Variants in EIF2S1 observed in about 807,000 individuals in gnomAD.
EIF2S1 encodes eukaryotic translation initiation factor 2 subunit 1.
Under a neutral mutation model 33.5 loss-of-function variants are expected in EIF2S1, and 5 were observed. That is an observed-to-expected ratio of 0.15 (90% confidence interval 0.08 to 0.31). The LOEUF (loss-of-function observed/expected upper bound fraction) is 0.31, where lower values mean the gene tolerates loss of function less well. Among genes scored for constraint, EIF2S1 ranks in the 10% least tolerant of loss-of-function variants. The pLI, the probability that EIF2S1 is intolerant of heterozygous loss-of-function variation, is 1.00. For synonymous variants in EIF2S1, 99 were observed against 127.5 expected (o/e 0.78, Z 1.51); for missense variants, 191 against 384.6 (o/e 0.50, Z 4.21).
intron 2 of EIF2S1, among the ~76,000 whole-genome samples, chr14:67,367,164 T>A (rs912288107): frequency 6.6e-6 from 1 of 152,200 alleles, no homozygotes; most frequent in African/African-American, 2.4e-5. Context: ...TTCAGTTGCT[T>A]ACCATCTGGG....
Position 67,361,231 on chromosome 14 carries a change from T to C in EIF2S1, c.-2+775T>C, listed in dbSNP as rs372010921. Among the ~76,000 whole-genome samples the C allele has an allele frequency of 7.6e-4, 116 of 152,290 alleles. 4 individuals carry two copies. The South Asian group carries it at 0.024, about 32-fold the overall frequency. On this transcript the variant is annotated intron_variant, in intron 1 of 7. Coordinates refer to ENST00000256383, the MANE Select transcript of EIF2S1 (RefSeq NM_004094.5). ...TTAAATTTTTATTAAGCAAAAAACA[T>C]GGTTTCTTCGAGAAAAAGTATAGCA...
At chr14:67,382,285 T>C in intron 6 of EIF2S1, 162 bp from the exon 7 acceptor site, 1 of 513,830 alleles carries the variant, frequency 1.9e-6, no homozygotes, top group Admixed American at 3.8e-5. Flanking sequence ...CCCCAAAACG[T>C]AATTGCCAAT....
At chr14:67,369,759 T>C (rs1218124884) in intron 2 of EIF2S1, among the ~76,000 whole-genome samples, 4 of 152,222 alleles carry the variant, frequency 2.6e-5, no homozygotes, top group East Asian at 1.9e-4. Context: ...TAATTACTTA[T>C]ATTAGAAAAG....
chr14:67,364,320 T>G (rs887029494), intron 1 of EIF2S1: 1 of 152,460 alleles, frequency 6.6e-6, no homozygotes, highest in South Asian at 2.1e-4. Context: ...GGTAGAAAAT[T>G]TTTTCCTTTA....
chr14:67,370,557 G>A (rs1471938794), intron 2 of EIF2S1, among the ~76,000 whole-genome samples: 2 of 152,104 alleles, frequency 1.3e-5, no homozygotes, highest in African/African-American at 4.8e-5. Flanking sequence ...GACATTAAAA[G>A]GCTAATAAGG....
chr14:67,365,464 A>G (rs2085769410), intron 2 of EIF2S1, among the ~76,000 whole-genome samples: 1 of 152,254 alleles, frequency 6.6e-6, no homozygotes, highest in Non-Finnish European at 1.5e-5. Flanking sequence ...GCAATATACT[A>G]TGCGTGTATA....
Position 67,376,466 on chromosome 14 carries a change from G to A in EIF2S1, c.349G>A (p.Glu117Lys). Reference sequence around the variant, plus strand: ...TTATAGCATTCTTCGTCATGTTGCTGAGGTGTTAGAATACACCAAGGATGA... The same window carrying A: ...TTATAGCATTCTTCGTCATGTTGCTAAGGTGTTAGAATACACCAAGGATGA... ...TVYSILRHVAEVLEYTKDEQL... is the reference protein window; with the variant it reads ...TVYSILRHVAKVLEYTKDEQL... The change falls in exon 4 of 8, where the codon GAG (glutamate) becomes AAG (lysine). Residue 117 changes from glutamate to lysine, a missense_variant. Glu to Lys is a moderately conservative substitution (Grantham distance 56). Transcript: ENST00000256383. 6.2e-7 allele frequency: 1 copy of A among 1,612,696 alleles called. No homozygotes were observed. The highest frequency in any genetic ancestry group is 8.5e-7 in the Non-Finnish European group (1 of 1,179,254).
At chr14:67,380,555 T>A (rs111257646) in intron 4 of EIF2S1, 104 bp from the exon 5 acceptor site, 12,496 of 509,468 alleles carry the variant, frequency 0.025, 186 homozygotes, top group Non-Finnish European at 0.03. Flanking sequence ...ATGCATTAAC[T>A]ATTATATGCT....
chr14:67,369,872 A>C (rs566240362), intron 2 of EIF2S1, among the ~76,000 whole-genome samples: 65 of 152,318 alleles, frequency 4.3e-4, no homozygotes, highest in African/African-American at 1.4e-3. Flanking sequence ...GGAGACCCTA[A>C]CCCAGAGGCG....
intron 1 of EIF2S1, among the ~76,000 whole-genome samples, chr14:67,362,081 G>C (rs2085746570): frequency 6.7e-6 from 1 of 149,346 alleles, no homozygotes; most frequent in East Asian, 2.0e-4. Context: ...GAGTGTAGTG[G>C]CACGATCTCA....
chr14:67,383,612 C>A lies in EIF2S1; in HGVS notation c.*172C>A. The A allele has an allele frequency of 2.2e-6, 2 of 891,362 alleles. No individual in the cohort carries two copies. The highest frequency in any genetic ancestry group is 1.7e-5 in the African/African-American group (1 of 59,658). The allele number at this position is 891,362 out of a possible 1,614,324, so 55.2% of individuals were successfully genotyped here. On this transcript the variant is annotated 3_prime_UTR_variant, in exon 8 of 8. Transcript: ENST00000256383. Reference sequence around the variant, plus strand: ...CATGAAATGCCCTCCTAAATGTCAGCTGTTGTCACACAGTAGCTCCAACAC... The same window carrying A: ...CATGAAATGCCCTCCTAAATGTCAGATGTTGTCACACAGTAGCTCCAACAC...
intron 1 of EIF2S1, 178 bp from the exon 2 acceptor site, chr14:67,364,589 G>A: frequency 1.7e-6 from 1 of 583,770 alleles, no homozygotes; most frequent in Non-Finnish European, 2.8e-6. Context: ...TTAAAGCTTG[G>A]TTCCTGAACA....
chr14:67,376,129 G>T (rs541815997), intron 3 of EIF2S1, among the ~76,000 whole-genome samples: 1 of 149,312 alleles, frequency 6.7e-6, no homozygotes, highest in South Asian at 2.1e-4. Context: ...TCCATTTATA[G>T]TGTGTGGTTT....
At chr14:67,380,458 AT>A (rs1417468967) in intron 4 of EIF2S1, among the ~76,000 whole-genome samples, 200 bp from the exon 5 acceptor site, 2 of 152,234 alleles carry the variant, frequency 1.3e-5, no homozygotes, top group Non-Finnish European at 2.9e-5. Context: ...GATCACTAAA[AT>A]TTTGATTTCA....
intron 2 of EIF2S1, among the ~76,000 whole-genome samples, chr14:67,366,283 C>T (rs961654949): frequency 4.6e-5 from 7 of 152,074 alleles, no homozygotes; most frequent in African/African-American, 1.7e-4. Flanking sequence ...CTGTGTTGCC[C>T]AGGCTAGTCT....
chr14:67,376,378 T>C, intron 3 of EIF2S1, 61 bp from the exon 4 acceptor site: 1 of 1,467,906 alleles, frequency 6.8e-7, no homozygotes, highest in Non-Finnish European at 9.1e-7. Context: ...TACTAAAATG[T>C]AAAAACATTT....
intron 7 of EIF2S1, 126 bp from the exon 8 acceptor site, chr14:67,383,189 T>G: frequency 1.9e-6 from 2 of 1,053,136 alleles, no homozygotes; most frequent in South Asian, 3.4e-5. Flanking sequence ...CACTCAAAAG[T>G]GAACAGATAT....
chr14:67,382,912 T>C (rs570383044), intron 7 of EIF2S1, among the ~76,000 whole-genome samples: 45 of 149,178 alleles, frequency 3.0e-4, no homozygotes, highest in Non-Finnish European at 5.4e-4. Context: ...TGCGTGCGTG[T>C]GTGTGTGTGT....
chr14:67,382,631 T>G, intron 7 of EIF2S1, 41 bp downstream of exon 7: 1 of 1,610,644 alleles, frequency 6.2e-7, no homozygotes, highest in East Asian at 2.2e-5. Flanking sequence ...ACTCAGGAGG[T>G]TCCTAAAAGG....
Sources: gnomAD v4.1 joint callset for allele counts (sites outside exome capture counted in the v4.1 genomes callset) on GRCh38, gnomAD v4.1.1 for gene constraint, MANE v1.5 for transcripts, NCBI Gene and HGNC (gene_info 2026-07-23, HGNC 2026-07-21) for gene names.